PAX6: variants seen among roughly 807,000 people sequenced by gnomAD.
The protein encoded by PAX6 is paired box protein Pax-6.
A neutral mutation model predicts 60.7 loss-of-function variants in PAX6; 7 were observed. The ratio of observed to expected loss-of-function variants is 0.12; its 90% CI spans 0.07 to 0.22. PAX6 has a LOEUF of 0.22. Among genes scored for constraint, PAX6 ranks in the 10% least tolerant of loss-of-function variants. The pLI is 1.00. For missense variants in PAX6, 355 were observed against 555.2 expected, an observed-to-expected ratio of 0.64 and a Z score of 3.62; for synonymous variants, 208 against 201.2, an observed-to-expected ratio of 1.03 and a Z score of -0.29.
intron 5 of PAX6, 104 bp downstream of exon 5, chr11:31,802,599 GT>G: frequency 7.7e-7 from 1 of 1,292,394 alleles, no homozygotes; most frequent in Non-Finnish European, 1.1e-6. Flanking sequence ...GTGGGTGAGG[GT>G]GGGGGGGTCC....
intron 7 of PAX6, chr11:31,801,184 T>C: frequency 8.3e-7 from 1 of 1,203,500 alleles, no homozygotes; most frequent in Non-Finnish European, 1.1e-6. Flanking sequence ...TAAAGCTTTC[T>C]TTCATTATAT....
intron 8 of PAX6, among the ~76,000 whole-genome samples, chr11:31,796,751 A>G (rs1053115394): frequency 6.6e-6 from 1 of 152,140 alleles, no homozygotes; most frequent in African/African-American, 2.4e-5. Context: ...GAATGCTGAG[A>G]GGAAAAAGAG....
At chr11:31,814,080 GCGCTTTAGGTTCTGTCTCCTTTCCC>G (rs1957258340), upstream of PAX6, 1 of 152,108 alleles carries the variant, frequency 6.6e-6, no homozygotes, top group Non-Finnish European at 1.5e-5. Flanking sequence ...GGCGGGGATT[GCGCTTTAGGTTCTGTCTCCTTTCCC>G]CGCCTCCCCA....
intron 4 of PAX6, chr11:31,803,647 C>G (rs1354866545): frequency 6.6e-6 from 1 of 152,454 alleles, no homozygotes; most frequent in Non-Finnish European, 1.5e-5. Flanking sequence ...GTCCGGCCAC[C>G]GCAAGTAAGG....
rs754125688 is a variant in PAX6, at chr11:31,793,707, G to A, written c.903C>T (p.Ile301=). ...AGACACTGGTGCTGAAACTACTGCT[G>A]ATAGGAATATGACTAGGTGTGTTGC... ...QASNTPSHIP[I]SSSFSTSVYQ... is the part of the protein sequence containing the mutation. Residue 301 remains isoleucine (I), a synonymous_variant, in exon 11 of 14, where the codon ATC becomes ATT. Transcript: ENST00000640368. 4 of 1,614,174 alleles carry A rather than the reference G, an allele frequency of 2.5e-6. No homozygotes were observed. Among genetic ancestry groups the A allele is most frequent in the Non-Finnish European group, 2.5e-6 (3 of 1,179,986 alleles).
chr11:31,790,115 A>AAAAAAC, intron 13 of PAX6, 96 bp from the exon 14 acceptor site: 1 of 791,900 alleles, frequency 1.3e-6, no homozygotes, highest in Non-Finnish European at 2.0e-6. Flanking sequence ...AAAAAAAAAA[A>AAAAAAC]AAAAACTAAT....
chr11:31,802,573 G>C (rs185646204), intron 5 of PAX6, 131 bp downstream of exon 5: 2 of 893,376 alleles, frequency 2.2e-6, no homozygotes, highest in African/African-American at 1.7e-5. Context: ...AGTGGGTGGG[G>C]GGACTGGGGA....
At chr11:31,801,341 G>A in intron 7 of PAX6, 6 of 1,450,236 alleles carry the variant, frequency 4.1e-6, no homozygotes, top group Non-Finnish European at 5.4e-6. Context: ...TTTGCAGCAT[G>A]CAAATGAAGT....
chr11:31,793,187 T>C, intron 12 of PAX6: 1 of 661,226 alleles, frequency 1.5e-6, no homozygotes, highest in Non-Finnish European at 2.8e-6. Context: ...AAGGTAACAG[T>C]ATAATAAAAG....
Position 31,806,461 on chromosome 11 carries a change from C to T in PAX6, c.-50G>A, listed in dbSNP as rs750607024. The T allele has an allele frequency of 1.3e-6, 2 of 1,596,832 alleles. No homozygotes were observed. The highest frequency in any genetic ancestry group is 1.7e-6 in the Non-Finnish European group (2 of 1,171,454). ...GATTCCACGGGGCTCGAATATGGGGCTCTGTTAGCAAGAAAATAGGAGTTA... is the reference window on the plus strand; with the variant it reads ...GATTCCACGGGGCTCGAATATGGGGTTCTGTTAGCAAGAAAATAGGAGTTA... On this transcript the variant is annotated splice_region_variant and 5_prime_UTR_variant, in exon 4 of 14. Transcript: ENST00000640368.
intron 8 of PAX6, among the ~76,000 whole-genome samples, chr11:31,795,870 GA>G (rs1951336212): frequency 6.6e-6 from 1 of 152,238 alleles, no homozygotes; most frequent in African/African-American, 2.4e-5. Context: ...CTGGGGTCCT[GA>G]AATGACCCCC....
chr11:31,793,978 G>T, intron 10 of PAX6, 54 bp downstream of exon 10: 1 of 1,343,876 alleles, frequency 7.4e-7, no homozygotes, highest in South Asian at 1.2e-5. Context: ...TCTGTCTCTA[G>T]GAAAGACAAA....
chr11:31,806,520 T>G (rs1955848250), intron 3 of PAX6, 58 bp from the exon 4 acceptor site: 1 of 1,373,834 alleles, frequency 7.3e-7, no homozygotes, highest in Non-Finnish European at 1.0e-6. Context: ...AGGCCTGAAC[T>G]CCCAACCGAG....
At chr11:31,815,087 A>G (rs1383483420), upstream of PAX6, 1 of 150,726 alleles carries the variant, frequency 6.6e-6, no homozygotes, top group Admixed American at 6.6e-5. Context: ...AACATTGTCC[A>G]GTGGAGTCTC....
chr11:31,806,283 C>T (rs373797456), intron 4 of PAX6, 119 bp downstream of exon 4: 1 of 1,226,454 alleles, frequency 8.2e-7, no homozygotes, highest in South Asian at 1.4e-5. Context: ...CGCAGGTCCC[C>T]GGGCCTCAGT....
At chr11:31,790,952 A>G in intron 12 of PAX6, 92 bp from the exon 13 acceptor site, 2 of 1,351,132 alleles carry the variant, frequency 1.5e-6, no homozygotes, top group Non-Finnish European at 2.1e-6. Context: ...TCTGCCAACA[A>G]GTCTGATCAT....
In PAX6 at chr11:31,801,594, G is replaced by C; in HGVS notation, c.366C>G (p.Ser122=). The change falls in exon 7 of 14, where the codon TCC becomes TCG. Residue 122 remains serine, a synonymous_variant. Transcript: ENST00000640368. ...FAWEIRDRLL[S]EGVCTNDNIP... is the part of the protein sequence containing the mutation. The stretch of plus-strand genomic sequence containing the variant: ...TGTTATCGTTGGTACAGACCCCCTC[G>C]GACAGTAATCTGTCTCGGATTTCCC... The C allele has an allele frequency of 1.9e-6, 3 of 1,614,128 alleles. No individual in the cohort carries two copies. The highest frequency in any genetic ancestry group is 2.5e-6 in the Non-Finnish European group (3 of 1,180,020).
At chr11:31,802,674 C>A in intron 5 of PAX6, 30 bp downstream of exon 5, 1 of 1,600,396 alleles carries the variant, frequency 6.2e-7, no homozygotes, top group Non-Finnish European at 8.5e-7. Context: ...GCCGCGGGGG[C>A]GGCGAGTGGG....
At chr11:31,808,614 A>G (rs1472309557) in intron 2 of PAX6, 3 of 151,590 alleles carry the variant, frequency 2.0e-5, no homozygotes, top group Non-Finnish European at 2.9e-5. Flanking sequence ...GAATGCTCCC[A>G]TCCTGGCTTG....
Sources: allele counts gnomAD v4.1 joint callset (sites outside exome capture counted in the v4.1 genomes callset), GRCh38; gene constraint gnomAD v4.1.1; transcripts MANE v1.5; gene names NCBI Gene and HGNC (gene_info 2026-07-23, HGNC 2026-07-21).